The following NAV3 variants were observed in gnomAD, a reference collection of about 807,000 sequenced individuals.
NAV3 encodes the protein neuron navigator 3, also known as pore membrane and/or filament interacting like protein 1.
NAV3 carries 87 observed loss-of-function variants against 244.7 expected under a neutral mutation model. That is an observed-to-expected ratio of 0.36 (90% CI 0.30 to 0.42). NAV3 has a LOEUF of 0.42. NAV3 is among the 20% of genes least tolerant of loss of function. The pLI, the probability that NAV3 is intolerant of heterozygous loss-of-function variation, is 1.00. For synonymous variants in NAV3, 1,126 were observed against 1,042.2 expected (o/e 1.08, Z -1.55); for missense variants, 2,663 against 2,893.3 (o/e 0.92, Z 1.83).
At chr12:77,908,483 G>T (rs1210429890) in intron 1 of NAV3, among the ~76,000 whole-genome samples, 1 of 151,958 alleles carries the variant, frequency 6.6e-6, no homozygotes, top group African/African-American at 2.4e-5. Context: ...AAAAAACAAT[G>T]ATACAGGTAT....
intron 2 of NAV3, among the ~76,000 whole-genome samples, chr12:77,619,757 T>A (rs1871288549): frequency 6.6e-6 from 1 of 152,112 alleles, no homozygotes; most frequent in Non-Finnish European, 1.5e-5. Flanking sequence ...TATCTTCACA[T>A]GTGTCTCACG....
At chr12:77,710,207 C>A (rs1180777368) in intron 2 of NAV3, among the ~76,000 whole-genome samples, 4 of 152,180 alleles carry the variant, frequency 2.6e-5, no homozygotes, top group Admixed American at 2.0e-4. Flanking sequence ...AAAGGTTCTG[C>A]TCTTTCCAGA....
At chr12:77,966,883 T>C (rs182156533) in intron 4 of NAV3, among the ~76,000 whole-genome samples, 8 of 152,210 alleles carry the variant, frequency 5.3e-5, no homozygotes, top group Admixed American at 3.9e-4. Context: ...GAACAAATTT[T>C]GACATTGATC....
intron 16 of NAV3, among the ~76,000 whole-genome samples, chr12:78,126,779 G>T (rs994749553): frequency 6.6e-6 from 1 of 152,150 alleles, no homozygotes; most frequent in African/African-American, 2.4e-5. Context: ...ATTGGAAGTT[G>T]TCACTCTAAC....
chr12:77,715,377 ATC>A (rs149813372), intron 2 of NAV3, among the ~76,000 whole-genome samples: 5,117 of 151,936 alleles, frequency 0.034, 286 homozygotes, highest in African/African-American at 0.12. Context: ...TTTGTATTAT[ATC>A]TCTCTTATTT....
chr12:78,040,020 T>G lies in NAV3; in HGVS notation c.2024-9973T>G, dbSNP rs184723639. On this transcript the variant is annotated intron_variant, in intron 9 of 39. Coordinates refer to ENST00000397909, the MANE Select transcript of NAV3 (RefSeq NM_001024383.2). ...CGTGCATTTTTCTGGTAACTTGTAT[T>G]GTTGCTAAACATTTAATTTTATTTT... is the stretch of plus-strand genomic sequence containing the variant. Among the ~76,000 whole-genome samples the G allele has an allele frequency of 2.2e-3, 333 of 152,308 alleles. 2 individuals are homozygous for G. Among genetic ancestry groups the G allele is most frequent in the Non-Finnish European group, 3.9e-3 (268 of 67,996 alleles).
chr12:77,636,324 G>A (rs1332175644), intron 2 of NAV3, among the ~76,000 whole-genome samples: 1 of 152,014 alleles, frequency 6.6e-6, no homozygotes, highest in African/African-American at 2.4e-5. Context: ...AAATTAGCCA[G>A]GCGTGGTGGT....
intron 19 of NAV3, among the ~76,000 whole-genome samples, chr12:78,138,307 A>G (rs1381243175): frequency 6.6e-6 from 1 of 152,092 alleles, no homozygotes; most frequent in African/African-American, 2.4e-5. Flanking sequence ...TGCATCTGTA[A>G]CTTCTTAGGT....
rs201844408 is a variant in NAV3, at chr12:78,185,648, C to A, written c.5740C>A (p.Arg1914Ser). 1 of 1,608,372 alleles carries A rather than the reference C, an allele frequency of 6.2e-7. No homozygotes were observed. Among genetic ancestry groups the A allele is most frequent in the Non-Finnish European group, 8.5e-7 (1 of 1,177,362 alleles). ...TGATGCAACTGGACATAAAGATGGC[C>A]GCAGTGTGAAAATTATAGTCTCCAT... Reference protein sequence around the residue: ...AGDATGHKDGRSVKIIVSISK... With the variant: ...AGDATGHKDGSSVKIIVSISK... The change falls in exon 31 of 40, where the codon CGC becomes AGC. Residue 1914 changes from arginine to serine, a missense_variant. Coordinates refer to ENST00000397909, the MANE Select transcript of NAV3 (RefSeq NM_001024383.2).
chr12:77,831,754 C>G (rs1434946010), intron 1 of NAV3, 50 bp downstream of exon 1: 8 of 1,535,020 alleles, frequency 5.2e-6, no homozygotes, highest in Non-Finnish European at 7.0e-6. Context: ...ATGCACATTT[C>G]TCTTTAAGTG....
chr12:77,707,005 C>T (rs186432313), intron 2 of NAV3, among the ~76,000 whole-genome samples: 2 of 151,504 alleles, frequency 1.3e-5, no homozygotes, highest in East Asian at 1.9e-4. Flanking sequence ...TGTCTACCTA[C>T]GAAATTCCTA....
chr12:77,777,548 T>C (rs1592673521), intron 2 of NAV3, among the ~76,000 whole-genome samples: 1 of 152,132 alleles, frequency 6.6e-6, no homozygotes, highest in Non-Finnish European at 1.5e-5. Context: ...CAGAATGGAG[T>C]GCAATTTAAA....
At chr12:77,999,070 T>C (rs1278033463) in intron 7 of NAV3, among the ~76,000 whole-genome samples, 2 of 152,218 alleles carry the variant, frequency 1.3e-5, no homozygotes, top group Non-Finnish European at 2.9e-5. Context: ...TAAAGGCATA[T>C]TATAAATGAA....
chr12:77,573,662 A>C (rs1338631015), intron 2 of NAV3, among the ~76,000 whole-genome samples: 1 of 152,278 alleles, frequency 6.6e-6, no homozygotes, highest in Middle Eastern at 3.4e-3. Flanking sequence ...AAGCCATTTA[A>C]TCATCTTTTC....
At chr12:77,612,598 A>C (rs1231133607) in intron 2 of NAV3, among the ~76,000 whole-genome samples, 1 of 152,090 alleles carries the variant, frequency 6.6e-6, no homozygotes, top group Non-Finnish European at 1.5e-5. Flanking sequence ...TGAACACTAC[A>C]CCTTGTAGAT....
chr12:77,951,082 C>T (rs904379379), intron 3 of NAV3, among the ~76,000 whole-genome samples: 1 of 152,154 alleles, frequency 6.6e-6, no homozygotes, highest in Non-Finnish European at 1.5e-5. Context: ...TCTAATTAAA[C>T]TAAAGAGCTT....
At chr12:78,057,881 G>A (rs951537947) in intron 11 of NAV3, among the ~76,000 whole-genome samples, 5 of 152,090 alleles carry the variant, frequency 3.3e-5, no homozygotes, top group African/African-American at 7.2e-5. Flanking sequence ...ACATGTAAGG[G>A]TTTCTCTCCT....
At chr12:78,077,394 T>C (rs1018887763) in intron 12 of NAV3, among the ~76,000 whole-genome samples, 1 of 152,226 alleles carries the variant, frequency 6.6e-6, no homozygotes, top group African/African-American at 2.4e-5. Flanking sequence ...AATCAAGATA[T>C]TGTGTATCTG....
At chr12:77,805,414 A>T (rs896248178) in intron 2 of NAV3, among the ~76,000 whole-genome samples, 1 of 152,180 alleles carries the variant, frequency 6.6e-6, no homozygotes, top group Non-Finnish European at 1.5e-5. Flanking sequence ...TTCTGCATCT[A>T]TTGAGATAAT....
Sources: allele counts gnomAD v4.1 joint callset (sites outside exome capture counted in the v4.1 genomes callset), GRCh38; gene constraint gnomAD v4.1.1; transcripts MANE v1.5; gene names NCBI Gene and HGNC (gene_info 2026-07-23, HGNC 2026-07-21).